Variants in SLC6A11 observed in about 807,000 individuals in gnomAD.
SLC6A11 encodes sodium- and chloride-dependent GABA transporter 3.
SLC6A11 carries 25 observed loss-of-function variants against 74.8 expected under a neutral mutation model. That is an observed-to-expected ratio of 0.33 (90% confidence interval 0.24 to 0.47). SLC6A11 has a LOEUF of 0.47. SLC6A11 is among the 20% of genes least tolerant of loss of function. The probability of loss-of-function intolerance (pLI) is 1.00; values close to 1 mark genes in which losing one functional copy is unlikely to be tolerated. For synonymous variants in SLC6A11, 330 were observed against 330.2 expected, an observed-to-expected ratio of 1.00 and a Z score of 0.01; for missense variants, 574 against 837.0, an observed-to-expected ratio of 0.69 and a Z score of 3.88.
At chr3:10,847,682 G>C (rs1259230482) in intron 5 of SLC6A11, among the ~76,000 whole-genome samples, 1 of 152,186 alleles carries the variant, frequency 6.6e-6, no homozygotes, top group Non-Finnish European at 1.5e-5. Context: ...ATGAGGTTCT[G>C]TGGGGGCACA....
At chr3:10,885,414 G>C (rs182808265) in intron 6 of SLC6A11, among the ~76,000 whole-genome samples, 329 of 152,194 alleles carry the variant, frequency 2.2e-3, no homozygotes, top group South Asian at 5.8e-3. Flanking sequence ...ATTAGGATGA[G>C]TGTAAAGTCG....
intron 5 of SLC6A11, among the ~76,000 whole-genome samples, chr3:10,870,411 T>C (rs189964854): frequency 5.6e-4 from 86 of 152,346 alleles, no homozygotes; most frequent in African/African-American, 2.0e-3. Flanking sequence ...TATGGCTGGC[T>C]GCCTGGAGTG....
intron 13 of SLC6A11, among the ~76,000 whole-genome samples, chr3:10,936,092 G>A (rs755042444): frequency 4.5e-4 from 69 of 152,296 alleles, no homozygotes; most frequent in Non-Finnish European, 6.3e-4. Flanking sequence ...CTGGCAGCCC[G>A]ATGGTTTGAG....
intron 6 of SLC6A11, among the ~76,000 whole-genome samples, chr3:10,886,657 A>G (rs369704034): frequency 1.3e-5 from 2 of 152,286 alleles, no homozygotes; most frequent in East Asian, 1.9e-4. Context: ...AAATACAAAA[A>G]TTAGCCAGGC....
chr3:10,890,661 T>A (rs960170402), intron 6 of SLC6A11, among the ~76,000 whole-genome samples: 5 of 152,256 alleles, frequency 3.3e-5, no homozygotes, highest in African/African-American at 1.2e-4. Context: ...TTATTACTTC[T>A]TAAGAGTTGA....
intron 3 of SLC6A11, among the ~76,000 whole-genome samples, chr3:10,821,117 C>T (rs981259672): frequency 6.6e-6 from 1 of 152,142 alleles, no homozygotes; most frequent in African/African-American, 2.4e-5. Context: ...TTTAACCTCC[C>T]TTTGGCCAGG....
At chr3:10,853,584 C>A (rs751659972) in intron 5 of SLC6A11, among the ~76,000 whole-genome samples, 38 of 152,056 alleles carry the variant, frequency 2.5e-4, no homozygotes, top group Admixed American at 6.5e-4. Flanking sequence ...GACAGGCCAT[C>A]AGAAGGGGCA....
In SLC6A11 at chr3:10,816,679, C is replaced by G. The variant is rs538646589; in HGVS notation, c.256+158C>G. ...CCTCGCGTGTGAGCTCGCCCCGGAGCGCGGCCCACCTGTGCCAGTGCGCAC... is the reference window on the plus strand; with the variant it reads ...CCTCGCGTGTGAGCTCGCCCCGGAGGGCGGCCCACCTGTGCCAGTGCGCAC... On this transcript the variant is annotated intron_variant, in intron 1 of 13. Transcript: ENST00000254488. This position sits in a 1 kb window ranked among gnomAD's most constrained non-coding sequence, Gnocchi z 4.2. 3.9e-5 allele frequency among the ~76,000 whole-genome samples: 6 copies of G among 152,192 alleles called. No individual in the cohort carries two copies. The highest frequency in any genetic ancestry group is 1.4e-4 in the African/African-American group (6 of 41,462).
At chr3:10,840,297 C>A (rs928263393) in intron 4 of SLC6A11, among the ~76,000 whole-genome samples, 2 of 152,146 alleles carry the variant, frequency 1.3e-5, no homozygotes, top group African/African-American at 2.4e-5. Context: ...CCCTTGGGGG[C>A]CTTTCTCCTG....
intron 9 of SLC6A11, among the ~76,000 whole-genome samples, chr3:10,928,829 G>C (rs1695644812): frequency 6.6e-6 from 1 of 152,076 alleles, no homozygotes; most frequent in Non-Finnish European, 1.5e-5. Context: ...GGCAGGGGCT[G>C]GTCTCATTTA....
chr3:10,911,136 G>A (rs949215038), intron 6 of SLC6A11, among the ~76,000 whole-genome samples: 6 of 152,188 alleles, frequency 3.9e-5, no homozygotes, highest in South Asian at 2.1e-4. Context: ...CCGGGTTGCC[G>A]TGAATATTCA....
At chr3:10,818,257 G>C (rs974059989) in intron 1 of SLC6A11, among the ~76,000 whole-genome samples, 1 of 151,632 alleles carries the variant, frequency 6.6e-6, no homozygotes, top group Non-Finnish European at 1.5e-5. Context: ...AGTGTCATAC[G>C]TTAGATTCTA....
At chr3:10,921,094 A>G (rs778063772) in intron 8 of SLC6A11, among the ~76,000 whole-genome samples, 1 of 152,190 alleles carries the variant, frequency 6.6e-6, no homozygotes, top group East Asian at 1.9e-4. Context: ...TACTATTTGC[A>G]GGGTTCAGAT....
intron 4 of SLC6A11, among the ~76,000 whole-genome samples, chr3:10,830,657 G>A (rs1027486867): frequency 1.3e-5 from 2 of 152,178 alleles, no homozygotes; most frequent in Non-Finnish European, 2.9e-5. Context: ...TGAGAGAAGT[G>A]AGGGAGCAAG....
intron 4 of SLC6A11, among the ~76,000 whole-genome samples, chr3:10,829,456 G>A (rs1277326395): frequency 1.3e-5 from 2 of 152,182 alleles, no homozygotes; most frequent in Non-Finnish European, 2.9e-5. Context: ...GTGCCCTTGG[G>A]ACCCTTTCCT....
chr3:10,822,294 G>A (rs1694148904), intron 3 of SLC6A11, among the ~76,000 whole-genome samples: 1 of 152,228 alleles, frequency 6.6e-6, no homozygotes, highest in Non-Finnish European at 1.5e-5. Flanking sequence ...GGATACAGGA[G>A]GCCTTGCCCT....
chr3:10,893,836 AC>A (rs1695138066), intron 6 of SLC6A11, among the ~76,000 whole-genome samples: 1 of 152,116 alleles, frequency 6.6e-6, no homozygotes, highest in South Asian at 2.1e-4. Context: ...ATTTTTTGAT[AC>A]ACTTCAAAGT....
At position 10,873,966 on chromosome 3, in the gene SLC6A11, T is replaced by TACGCTAC. The variant is rs1559567223; in HGVS notation, c.757-995_757-994insACGCTAC. 1.1e-3 allele frequency among the ~76,000 whole-genome samples: 139 copies of TACGCTAC among 129,976 alleles called. 1 individual carries two copies. The highest frequency in any genetic ancestry group is 3.5e-3 in the Middle Eastern group (1 of 282). The allele number at this position is 129,976 out of a possible 152,430, so 85.3% of individuals were successfully genotyped here. On this transcript the variant is annotated intron_variant, in intron 5 of 13. Coordinates refer to ENST00000254488, the MANE Select transcript of SLC6A11 (RefSeq NM_014229.3). Reference sequence around the variant, plus strand: ...TGCTATCCTATGCTATGCTACGCTATGCTATGCTACGCTACGCTACGCTAC... The same window carrying TACGCTAC: ...TGCTATCCTATGCTATGCTACGCTATACGCTACGCTATGCTACGCTACGCTACGCTAC...
rs1282313788 is a variant in SLC6A11, at chr3:10,819,810, A to G, written c.490A>G (p.Thr164Ala). The G allele has an allele frequency of 1.2e-6, 2 of 1,614,198 alleles. No individual in the cohort carries two copies. Among genetic ancestry groups the G allele is most frequent in the Non-Finnish European group, 1.7e-6 (2 of 1,180,032 alleles). The change falls in exon 3 of 14, where the codon ACT becomes GCT. Residue 164 changes from threonine (T) to alanine (A), a missense_variant. Physicochemically the swap from Thr to Ala is moderately conservative, Grantham distance 58. This residue lies in a region of SLC6A11 where 215 missense variants were observed against 357.9 expected (regional missense o/e 0.60). Transcript: ENST00000254488. ...TTTTTACCTGAGCAACTGCTTCACT[A>G]CTGAGCTACCCTGGGCTACCTGTGG... ...AIFYLSNCFT[T>A]ELPWATCGHE... is the part of the protein sequence containing the mutation.
Sources: allele counts gnomAD v4.1 joint callset (sites outside exome capture counted in the v4.1 genomes callset), GRCh38; gene constraint gnomAD v4.1.1; regional missense constraint gnomAD v4.1.1; non-coding constraint Gnocchi (gnomAD v3.1); transcripts MANE v1.5; gene names NCBI Gene and HGNC (gene_info 2026-07-23, HGNC 2026-07-21).